ANGPTL6: variants seen among roughly 807,000 people sequenced by gnomAD.
The protein encoded by ANGPTL6 is angiopoietin like 6, also known as angiopoietin-related protein 6.
In ANGPTL6, 45 loss-of-function variants were observed where a neutral mutation model predicts 47.4. The ratio of observed to expected loss-of-function variants is 0.95; its 90% confidence interval spans 0.75 to 1.22. ANGPTL6 has a LOEUF of 1.22. Ranked by LOEUF, ANGPTL6 falls within the 50% of genes most tolerant of loss-of-function variation. The pLI, the probability that ANGPTL6 is intolerant of heterozygous loss-of-function variation, is 0.00. For missense variants in ANGPTL6, 698 were observed against 669.4 expected (o/e 1.04, Z -0.47); for synonymous variants, 290 against 295.9 (o/e 0.98, Z 0.20).
chr19:10,092,440 T>TC lies in ANGPTL6; in HGVS notation c.*148dup. The TC allele has an allele frequency of 6.6e-7, 1 of 1,519,924 alleles. No homozygotes were observed. The highest frequency in any genetic ancestry group is 8.8e-7 in the Non-Finnish European group (1 of 1,131,438). 94.2% of individuals were successfully genotyped at this position (1,519,924 alleles called of 1,614,324 possible). On this transcript the variant is annotated 3_prime_UTR_variant, in exon 6 of 6. Coordinates refer to ENST00000253109, the MANE Select transcript of ANGPTL6 (RefSeq NM_031917.3). ...GATATTGACGGGGGGGATTCCTGGG[T>TC]CCCATTTTCAGCGCCCAGGGTCACA...
At chr19:10,098,548 G>C (rs889640725) in intron 1 of ANGPTL6, among the ~76,000 whole-genome samples, 5 of 152,078 alleles carry the variant, frequency 3.3e-5, no homozygotes, top group Admixed American at 6.6e-5. Context: ...AGGGAGGCTG[G>C]GTGCTGTGGC....
chr19:10,094,271 C>T lies in ANGPTL6; in HGVS notation c.764-391G>A, dbSNP rs190958634. ...ACGCCTTTCTCCTGCCTCAGCCTCC[C>T]GAGCAGCTGGGACTACAGGCGCCCG... On this transcript the variant is annotated intron_variant, in intron 3 of 5. Coordinates refer to ENST00000253109, the MANE Select transcript of ANGPTL6 (RefSeq NM_031917.3). Among the ~76,000 whole-genome samples the T allele has an allele frequency of 1.1e-4, 16 of 152,144 alleles. No individual in the cohort carries two copies. The East Asian group carries it at 2.7e-3, about 26-fold the overall frequency.
rs767083832 is a variant in ANGPTL6 at position 10,093,795 on chromosome 19, C to A, written c.849G>T (p.Val283=). The change falls in exon 4 of 6, where the codon GTG becomes GTT. Residue 283 remains valine, a synonymous_variant. Coordinates refer to ENST00000253109, the MANE Select transcript of ANGPTL6 (RefSeq NM_031917.3). ...VYELRVGRHV[V]SVWCEQQLEG... is the part of the protein sequence containing the mutation. ...CCAGTTGCTGCTCACACCATACTGA[C>A]ACTACGTGACGGCCCACTCGCAGTT... 3 of 1,614,124 alleles carry A rather than the reference C, an allele frequency of 1.9e-6. No homozygotes were observed. The South Asian group carries it at 3.3e-5, about 18-fold the overall frequency.
At chr19:10,100,986 A>G (rs2088663321) in intron 1 of ANGPTL6, among the ~76,000 whole-genome samples, 1 of 151,374 alleles carries the variant, frequency 6.6e-6, no homozygotes, top group Non-Finnish European at 1.5e-5. Context: ...AGGTGGGAGG[A>G]TCACTTGAGG....
At chr19:10,102,960 A>C (rs1483347383), upstream of ANGPTL6, among the ~76,000 whole-genome samples, 1 of 151,864 alleles carries the variant, frequency 6.6e-6, no homozygotes, top group Non-Finnish European at 1.5e-5. Flanking sequence ...CCAGCCCCAG[A>C]CACGCACACA....
Position 10,094,853 on chromosome 19 carries a change from G to A in ANGPTL6, c.668C>T (p.Ala223Val). 3 of 1,614,224 alleles carry A rather than the reference G, an allele frequency of 1.9e-6. No homozygotes were observed. Among genetic ancestry groups the A allele is most frequent in the Non-Finnish European group, 2.5e-6 (3 of 1,180,026 alleles). Reference protein sequence around the residue: ...TSDTSRMLDPAPEPQRDQTQR... With the variant: ...TSDTSRMLDPVPEPQRDQTQR... ...GGTCTGGTCTCTCTGGGGCTCTGGG[G>A]CTGGGTCCAGCATCCTACTGGTGTC... The change falls in exon 3 of 6, where the codon GCC (alanine) becomes GTC (valine). Residue 223 changes from alanine (A) to valine (V), a missense_variant. Coordinates refer to ENST00000253109, the MANE Select transcript of ANGPTL6 (RefSeq NM_031917.3).
At position 10,096,464 on chromosome 19, in the gene ANGPTL6, G is replaced by T. The variant is rs1417181981; in HGVS notation, c.100C>A (p.Pro34Thr). 6.8e-7 allele frequency: 1 copy of T among 1,477,714 alleles called. No homozygotes were observed. Among genetic ancestry groups the T allele is most frequent in the Non-Finnish European group, 8.9e-7 (1 of 1,122,926 alleles). The allele number at this position is 1,477,714 out of a possible 1,614,324, so 91.5% of individuals were successfully genotyped here. Residue 34 changes from proline to threonine, a missense_variant, in exon 2 of 6, where the codon CCC becomes ACC. Coordinates refer to ENST00000253109, the MANE Select transcript of ANGPTL6 (RefSeq NM_031917.3). ...APRCTYTFVL[P>T]PQKFTGAVCW... ...ACAGCGCCCGTGAACTTCTGCGGGG[G>T]CAGCACGAAGGTGTAGGTGCAGCGC...
At chr19:10,100,833 G>A (rs576534570) in intron 1 of ANGPTL6, among the ~76,000 whole-genome samples, 3 of 152,284 alleles carry the variant, frequency 2.0e-5, no homozygotes, top group East Asian at 3.9e-4. Context: ...CAGTCCCGGA[G>A]GTGGGGGACA....
At chr19:10,101,203 T>C (rs567656318) in intron 1 of ANGPTL6, among the ~76,000 whole-genome samples, 1 of 148,934 alleles carries the variant, frequency 6.7e-6, no homozygotes, top group Admixed American at 6.7e-5. Context: ...AGCGAGACTC[T>C]GTCTCAAAAA....
intron 1 of ANGPTL6, among the ~76,000 whole-genome samples, chr19:10,097,007 G>C (rs970795795): frequency 6.6e-6 from 1 of 151,990 alleles, no homozygotes; most frequent in Non-Finnish European, 1.5e-5. Flanking sequence ...GCTGAGGCAG[G>C]AGGATCACTT....
At position 10,092,341 on chromosome 19, in the gene ANGPTL6, G is replaced by A; in HGVS notation, c.*248C>T. On this transcript the variant is annotated 3_prime_UTR_variant, in exon 6 of 6. Transcript: ENST00000253109. ...CAGATACAAACCAGACACGGTCTGTGGCTACTTTGTGTTATTATAAGATAT... is the reference window on the plus strand; with the variant it reads ...CAGATACAAACCAGACACGGTCTGTAGCTACTTTGTGTTATTATAAGATAT... The A allele has an allele frequency of 1.9e-6, 3 of 1,549,746 alleles. No individual in the cohort carries two copies. The highest frequency in any genetic ancestry group is 8.7e-7 in the Non-Finnish European group (1 of 1,148,136).
chr19:10,103,958 T>G (rs181236782), upstream of ANGPTL6, among the ~76,000 whole-genome samples: 1 of 151,336 alleles, frequency 6.6e-6, no homozygotes. Flanking sequence ...CCGGGTGTGG[T>G]GGCCCATGCC....
upstream of ANGPTL6, among the ~76,000 whole-genome samples, chr19:10,103,624 TA>T (rs35700641): frequency 7.9e-6 from 1 of 126,082 alleles, no homozygotes; most frequent in Non-Finnish European, 1.7e-5. Context: ...AATAAATAAA[TA>T]ATAAATAAAT....
chr19:10,094,801 A>G lies in ANGPTL6; in HGVS notation c.720T>C (p.Ser240=). Residue 240 remains serine (S), a synonymous_variant, in exon 3 of 6, where the codon TCT becomes TCC. Transcript: ENST00000253109. The part of the protein sequence containing the change: ...QTQRQQEPMA[S]PMPAGHPAVP... ...CCGCAGGGTGACCTGCAGGCATGGG[A>G]GAAGCCATGGGCTCCTGCTGTCTCT... 6.2e-7 allele frequency: 1 copy of G among 1,614,170 alleles called. No homozygotes were observed. The highest frequency in any genetic ancestry group is 1.3e-5 in the African/African-American group (1 of 75,054).
At chr19:10,105,672 C>T (rs2088802376), upstream of ANGPTL6, among the ~76,000 whole-genome samples, 1 of 148,338 alleles carries the variant, frequency 6.7e-6, no homozygotes, top group East Asian at 2.0e-4. Flanking sequence ...CCAGAGAGAG[C>T]AAGGAGGGAG....
At chr19:10,102,944 G>T, upstream of ANGPTL6, 1 of 209,742 alleles carries the variant, frequency 4.8e-6, no homozygotes, top group Non-Finnish European at 8.3e-6. Context: ...GCAGCCAGGC[G>T]TGATCCCAGC....
upstream of ANGPTL6, chr19:10,102,735 G>A (rs144713562): frequency 8.4e-4 from 827 of 984,704 alleles, 15 homozygotes; most frequent in African/African-American, 0.013. Context: ...GAGCCTGGGA[G>A]TGGAGCTGGG....
chr19:10,103,647 G>A (rs1042718126), upstream of ANGPTL6, among the ~76,000 whole-genome samples: 10 of 148,130 alleles, frequency 6.8e-5, no homozygotes, highest in African/African-American at 2.3e-4. Flanking sequence ...ATAATAAAGT[G>A]AGGAATTAAT....
chr19:10,096,184 T>C lies in ANGPTL6; in HGVS notation c.380A>G (p.Asp127Gly), dbSNP rs1231266539. ...EAGPGAGPGA[D>G]LGAEPAAALA... ...CGCCGCGGCAGGCTCCGCCCCCAGA[T>C]CCGCCCCCGGGCCCGCCCCGGGCCC... Residue 127 changes from aspartate to glycine, a missense_variant, in exon 2 of 6, where the codon GAT (aspartate) becomes GGT (glycine). Asp to Gly is a moderately conservative substitution (Grantham distance 94, BLOSUM62 -1). Transcript: ENST00000253109. 23 of 1,266,554 alleles carry C rather than the reference T, an allele frequency of 1.8e-5. No homozygotes were observed. Among genetic ancestry groups the C allele is most frequent in the Non-Finnish European group, 2.1e-5 (21 of 1,006,888 alleles). 78.5% of individuals were successfully genotyped at this position (1,266,554 alleles called of 1,614,324 possible).
Sources: gnomAD v4.1 joint callset for allele counts (sites outside exome capture counted in the v4.1 genomes callset) on GRCh38, gnomAD v4.1.1 for gene constraint, MANE v1.5 for transcripts, NCBI Gene and HGNC (gene_info 2026-07-23, HGNC 2026-07-21) for gene names.